The following FRMPD4 variants were observed in gnomAD, a reference collection of about 807,000 sequenced individuals.
FRMPD4 encodes FERM and PDZ domain containing 4, also known as FERM and PDZ domain-containing protein 4.
A neutral mutation model predicts 94.1 loss-of-function variants in FRMPD4; 22 were observed. The observed-to-expected ratio is 0.23, with a 90% CI of 0.17 to 0.33. The LOEUF is 0.33. Ranked by LOEUF, FRMPD4 falls within the 10% of genes least tolerant of loss-of-function variation. The pLI, the probability that FRMPD4 is intolerant of heterozygous loss-of-function variation, is 1.00. For missense variants in FRMPD4, 1,111 were observed against 1,339.9 expected (o/e 0.83, Z 2.67); for synonymous variants, 631 against 548.6 (o/e 1.15, Z -2.10).
At position 11,859,586 on chromosome X, in the gene FRMPD4, T is replaced by C. The variant is rs779741828; in HGVS notation, c.-160-5500T>C. Among the ~76,000 whole-genome samples, 287 of 112,397 alleles carry C rather than the reference T, an allele frequency of 2.6e-3. 2 individuals carry two copies. The highest frequency in any genetic ancestry group is 4.5e-3 in the Non-Finnish European group (237 of 53,207). On this transcript the variant is annotated intron_variant, in intron 1 of 18. Transcript: ENST00000640291. ...TGTTTTAGAAGCTTTAGAAGCTAAG[T>C]AGTTTGCTTTGCTGTGCAATTTATA...
At position 12,408,322 on chromosome X, in the gene FRMPD4, A is replaced by G. The variant is rs184547081; in HGVS notation, c.42-90358A>G. ...AGATGGAGCTGCTTTAGCCTTTACA[A>G]TATCACATCTAATTCTCAGTTTTCT... On this transcript the variant is annotated intron_variant, in intron 1 of 16. Coordinates refer to ENST00000675598, the MANE Select transcript of FRMPD4 (RefSeq NM_001368397.1). 7.3e-5 allele frequency among the ~76,000 whole-genome samples: 8 copies of G among 109,233 alleles called. No individual in the cohort carries two copies. In the East Asian group the frequency reaches 1.7e-3, roughly 23 times the overall value. 94.9% of individuals were successfully genotyped at this position (109,233 alleles called of 115,157 possible).
At chrX:12,709,553 C>T (rs188243113) in intron 13 of FRMPD4, among the ~76,000 whole-genome samples, 98 of 111,378 alleles carry the variant, frequency 8.8e-4, no homozygotes, top group African/African-American at 3.0e-3. Context: ...TGTAAATTTA[C>T]GATTTCATCT....
chrX:12,061,579 G>C (rs1044079736), intron 3 of FRMPD4, among the ~76,000 whole-genome samples: 1 of 111,310 alleles, frequency 9.0e-6, no homozygotes, highest in African/African-American at 3.3e-5. Flanking sequence ...CCTACAATTT[G>C]GAGAAAAACA....
chrX:11,993,070 G>A (rs2054474063), intron 3 of FRMPD4, among the ~76,000 whole-genome samples: 1 of 105,520 alleles, frequency 9.5e-6, no homozygotes, highest in Non-Finnish European at 2.0e-5. Context: ...TATTCCAATT[G>A]TAGTTTATTT....
At chrX:12,518,889 A>G (rs1314049013) in intron 2 of FRMPD4, among the ~76,000 whole-genome samples, 1 of 112,295 alleles carries the variant, frequency 8.9e-6, no homozygotes, top group African/African-American at 3.2e-5. Context: ...GTCACAGAAC[A>G]GTCAGTTGCA....
At chrX:12,064,448 A>G (rs2054906242) in intron 3 of FRMPD4, among the ~76,000 whole-genome samples, 1 of 111,352 alleles carries the variant, frequency 9.0e-6, no homozygotes, top group African/African-American at 3.3e-5. Flanking sequence ...ATATCTGTAT[A>G]CTCCAAGAAT....
intron 4 of FRMPD4, among the ~76,000 whole-genome samples, chrX:12,655,765 G>A (rs1602269637): frequency 8.9e-6 from 1 of 111,939 alleles, no homozygotes; most frequent in Admixed American, 9.5e-5. Context: ...CTTTCATCCT[G>A]GAAGCATGTC....
intron 3 of FRMPD4, among the ~76,000 whole-genome samples, chrX:11,918,655 G>A (rs909140704): frequency 1.8e-5 from 2 of 112,590 alleles, no homozygotes; most frequent in Non-Finnish European, 3.8e-5. Flanking sequence ...GTGTATTTGG[G>A]TCTCATGGGA....
chrX:12,208,427 T>C (rs1194360158), intron 1 of FRMPD4, among the ~76,000 whole-genome samples: 1 of 108,652 alleles, frequency 9.2e-6, no homozygotes, highest in Admixed American at 1.0e-4. Flanking sequence ...GGTGAAAATA[T>C]GGGGAATAAG....
intron 1 of FRMPD4, among the ~76,000 whole-genome samples, chrX:12,349,485 A>G (rs1340366475): frequency 2.7e-5 from 3 of 110,859 alleles, no homozygotes; most frequent in Admixed American, 1.9e-4. Context: ...GTGGGAAAAC[A>G]GCAGCGAAAG....
chrX:12,392,491 AACAAT>A lies in FRMPD4; in HGVS notation c.42-106184_42-106180del, dbSNP rs1438062521. On this transcript the variant is annotated intron_variant, in intron 1 of 16. Coordinates refer to ENST00000675598, the MANE Select transcript of FRMPD4 (RefSeq NM_001368397.1). ...CATGGTGAAACCCCGTCTCTACAAA[AACAAT>A]ACAAAAATTAGCCCGGCGTGGCGGT... is the stretch of plus-strand genomic sequence containing the variant. 2.8e-4 allele frequency among the ~76,000 whole-genome samples: 30 copies of A among 108,419 alleles called. No individual in the cohort carries two copies. The South Asian group carries it at 3.0e-3, about 11-fold the overall frequency. The allele number at this position is 108,419 out of a possible 115,157, so 94.1% of individuals were successfully genotyped here. A position where few individuals can be genotyped will look rare whatever the true frequency, so the allele number is the denominator to read the frequency against.
chrX:12,010,611 C>T (rs1019005885), intron 3 of FRMPD4, among the ~76,000 whole-genome samples: 3 of 112,010 alleles, frequency 2.7e-5, no homozygotes, highest in Non-Finnish European at 3.8e-5. Context: ...ATAATGAGCA[C>T]GTCTGTTTTC....
intron 1 of FRMPD4, among the ~76,000 whole-genome samples, chrX:11,822,956 A>T (rs751874458): frequency 9.0e-6 from 1 of 111,727 alleles, no homozygotes; most frequent in South Asian, 3.8e-4. Flanking sequence ...TGTTCTTGGC[A>T]TAGGAAAGTT....
intron 3 of FRMPD4, among the ~76,000 whole-genome samples, chrX:12,094,441 G>A (rs187904859): frequency 1.5e-3 from 173 of 111,909 alleles, no homozygotes; most frequent in Middle Eastern, 4.6e-3. Context: ...CTGTCTTCTT[G>A]CATTTCCTCA....
At chrX:12,159,862 G>T (rs1055731758) in intron 1 of FRMPD4, among the ~76,000 whole-genome samples, 1 of 112,076 alleles carries the variant, frequency 8.9e-6, no homozygotes, top group African/African-American at 3.2e-5. Context: ...AAGAAATATG[G>T]TAAGTACTAC....
At chrX:12,207,182 C>G (rs1213535301) in intron 1 of FRMPD4, among the ~76,000 whole-genome samples, 4 of 111,645 alleles carry the variant, frequency 3.6e-5, no homozygotes, top group Non-Finnish European at 7.5e-5. Context: ...TTGCCAAAAC[C>G]TATAATGCCA....
intron 1 of FRMPD4, among the ~76,000 whole-genome samples, chrX:12,322,753 A>C (rs2055225677): frequency 8.9e-6 from 1 of 111,843 alleles, no homozygotes; most frequent in Non-Finnish European, 1.9e-5. Flanking sequence ...TTCATTTTTA[A>C]ATAATGAGAT....
intron 4 of FRMPD4, among the ~76,000 whole-genome samples, chrX:12,621,505 C>T (rs1013018214): frequency 3.2e-4 from 30 of 94,430 alleles, no homozygotes; most frequent in Non-Finnish European, 5.5e-4. Context: ...AAAAGCAATA[C>T]ATAAACAAAA....
At chrX:12,334,534 A>G (rs1312789965) in intron 1 of FRMPD4, among the ~76,000 whole-genome samples, 1 of 110,493 alleles carries the variant, frequency 9.1e-6, no homozygotes, top group Non-Finnish European at 1.9e-5. Flanking sequence ...AAGTTTCTGC[A>G]TCTTCTAAGT....
Sources: allele counts gnomAD v4.1 joint callset (sites outside exome capture counted in the v4.1 genomes callset), GRCh38; gene constraint gnomAD v4.1.1; transcripts MANE v1.5; gene names NCBI Gene and HGNC (gene_info 2026-07-23, HGNC 2026-07-21).